The following DSCAM variants were observed in gnomAD, a reference collection of about 807,000 sequenced individuals.
The protein encoded by DSCAM is DS cell adhesion molecule, also known as cell adhesion molecule DSCAM.
DSCAM carries 47 observed loss-of-function variants against 217.7 expected under a neutral mutation model. The observed-to-expected ratio is 0.22, with a 90% CI of 0.17 to 0.28. DSCAM has a LOEUF of 0.28. Ranked by LOEUF, DSCAM falls within the 10% of genes least tolerant of loss-of-function variation. The pLI, the probability that DSCAM is intolerant of heterozygous loss-of-function variation, is 1.00. For missense variants in DSCAM, 2,080 were observed against 2,618.3 expected, an observed-to-expected ratio of 0.79 and a Z score of 4.49; for synonymous variants, 1,056 against 1,015.3, an observed-to-expected ratio of 1.04 and a Z score of -0.76.
At chr21:40,233,434 C>T (rs908136095) in intron 11 of DSCAM, among the ~76,000 whole-genome samples, 1 of 152,160 alleles carries the variant, frequency 6.6e-6, no homozygotes, top group African/African-American at 2.4e-5. Context: ...ATTCAACCAA[C>T]CAGTCTGAGG....
intron 8 of DSCAM, among the ~76,000 whole-genome samples, chr21:40,325,843 G>A (rs1372341395): frequency 2.0e-5 from 3 of 152,160 alleles, no homozygotes; most frequent in African/African-American, 4.8e-5. Flanking sequence ...ATTTTGGAGA[G>A]TGGCTATGCA....
At chr21:40,763,396 A>T (rs548793492) in intron 1 of DSCAM, among the ~76,000 whole-genome samples, 7 of 152,316 alleles carry the variant, frequency 4.6e-5, no homozygotes, top group Admixed American at 2.0e-4. Flanking sequence ...GGGATGCGAT[A>T]AGACCTCTTC....
chr21:40,021,221 A>G (rs1040764346), intron 32 of DSCAM, among the ~76,000 whole-genome samples: 8 of 151,806 alleles, frequency 5.3e-5, no homozygotes, highest in East Asian at 1.9e-4. Context: ...AAAAAAAAAA[A>G]AAAAAGAAAA....
intron 1 of DSCAM, among the ~76,000 whole-genome samples, chr21:40,767,669 C>A (rs1256568560): frequency 1.3e-5 from 2 of 152,158 alleles, no homozygotes; most frequent in African/African-American, 4.8e-5. Context: ...ATGGCAGCTC[C>A]CAATTGAATG....
At chr21:40,228,892 A>G (rs1004686139) in intron 11 of DSCAM, among the ~76,000 whole-genome samples, 1 of 152,158 alleles carries the variant, frequency 6.6e-6, no homozygotes, top group African/African-American at 2.4e-5. Context: ...ATGTGTGTAT[A>G]CTAACACATG....
chr21:40,510,110 C>T (rs1164055245), intron 3 of DSCAM, among the ~76,000 whole-genome samples: 1 of 151,984 alleles, frequency 6.6e-6, no homozygotes, highest in East Asian at 1.9e-4. Flanking sequence ...GGTGACAGAG[C>T]GAGACTCCAT....
chr21:40,312,160 G>A lies in DSCAM; in HGVS notation c.1983C>T (p.Leu661=), dbSNP rs1156588639. 6.2e-7 allele frequency: 1 copy of A among 1,614,014 alleles called. No individual in the cohort carries two copies. ...TSSLRISNLS[L]MHNGNYTCIA... is the part of the protein sequence containing the mutation. ...TGCAGGTGTAATTCCCATTGTGCATGAGCGAGAGATTGGAAATCCTCAAGG... is the reference window on the plus strand; with the variant it reads ...TGCAGGTGTAATTCCCATTGTGCATAAGCGAGAGATTGGAAATCCTCAAGG... The change falls in exon 9 of 33, where the codon CTC becomes CTT. Residue 661 remains leucine, a synonymous_variant. Transcript: ENST00000400454.
At chr21:40,551,452 TC>T (rs2076629112) in intron 3 of DSCAM, among the ~76,000 whole-genome samples, 1 of 152,126 alleles carries the variant, frequency 6.6e-6, no homozygotes. Context: ...GTAGATGAAG[TC>T]TCATAGGTGG....
chr21:40,055,614 G>A (rs1190312179), intron 29 of DSCAM, 111 bp downstream of exon 29: 17 of 751,102 alleles, frequency 2.3e-5, no homozygotes, highest in African/African-American at 1.2e-4. Context: ...TGGTACTCAC[G>A]TAGCCTTCAA....
chr21:40,385,580 A>G (rs866220338), intron 3 of DSCAM, among the ~76,000 whole-genome samples: 1 of 152,142 alleles, frequency 6.6e-6, no homozygotes, highest in Non-Finnish European at 1.5e-5. Context: ...TTGCATTGAC[A>G]GAATTTGTGT....
intron 3 of DSCAM, among the ~76,000 whole-genome samples, chr21:40,487,019 G>A (rs2076033967): frequency 6.6e-6 from 1 of 152,108 alleles, no homozygotes; most frequent in Non-Finnish European, 1.5e-5. Context: ...GGGAGCACCA[G>A]GTAAGCAGGT....
At chr21:40,692,582 G>T (rs915756367) in intron 3 of DSCAM, among the ~76,000 whole-genome samples, 1 of 152,112 alleles carries the variant, frequency 6.6e-6, no homozygotes, top group East Asian at 1.9e-4. Context: ...TTACAGTGCC[G>T]GTAACTAATC....
chr21:40,254,299 G>C (rs1319015651), intron 11 of DSCAM, among the ~76,000 whole-genome samples: 1 of 151,644 alleles, frequency 6.6e-6, no homozygotes, highest in Non-Finnish European at 1.5e-5. Flanking sequence ...CTCCAGGCAG[G>C]GGGAGGGTGG....
chr21:40,149,043 C>T (rs777649836), intron 16 of DSCAM, among the ~76,000 whole-genome samples: 6 of 152,062 alleles, frequency 3.9e-5, no homozygotes, highest in Non-Finnish European at 8.8e-5. Flanking sequence ...ACCAACAACA[C>T]TATCACCACC....
At chr21:40,559,150 G>A (rs1408334012) in intron 3 of DSCAM, among the ~76,000 whole-genome samples, 6 of 148,272 alleles carry the variant, frequency 4.0e-5, no homozygotes, top group Middle Eastern at 3.2e-3. Flanking sequence ...GAGCACATTT[G>A]GAAGAATGAA....
At chr21:40,608,496 G>T (rs1042211404) in intron 3 of DSCAM, among the ~76,000 whole-genome samples, 3 of 152,310 alleles carry the variant, frequency 2.0e-5, no homozygotes, top group Non-Finnish European at 4.4e-5. Context: ...AAAATAAACT[G>T]TTTTGTGCCC....
At position 40,243,572 on chromosome 21, in the gene DSCAM, G is replaced by GT. The variant is rs559928145; in HGVS notation, c.2356+32524dup. The stretch of plus-strand genomic sequence containing the variant: ...CAGCAGTAAATAAATAAAAGCATCG[G>GT]TTTTTTCTGAGTGTGGGGCCCTGTG... On this transcript the variant is annotated intron_variant, in intron 11 of 32. Transcript: ENST00000400454. Among the ~76,000 whole-genome samples the GT allele has an allele frequency of 1.3e-3, 201 of 152,270 alleles. 8 individuals carry two copies. The South Asian group carries it at 0.039, about 29-fold the overall frequency.
intron 11 of DSCAM, among the ~76,000 whole-genome samples, chr21:40,245,653 GTCTC>G (rs1187634245): frequency 2.0e-5 from 3 of 152,204 alleles, no homozygotes; most frequent in Non-Finnish European, 2.9e-5. Flanking sequence ...GGAGCTCATA[GTCTC>G]TCTTTTTCCT....
At chr21:40,554,410 C>G (rs981446677) in intron 3 of DSCAM, among the ~76,000 whole-genome samples, 1 of 152,072 alleles carries the variant, frequency 6.6e-6, no homozygotes, top group South Asian at 2.1e-4. Context: ...TTTCCCCTGG[C>G]CAGTACCATG....
Sources: allele counts gnomAD v4.1 joint callset (sites outside exome capture counted in the v4.1 genomes callset), GRCh38; gene constraint gnomAD v4.1.1; transcripts MANE v1.5; gene names NCBI Gene and HGNC (gene_info 2026-07-23, HGNC 2026-07-21).